SPNS3: variants seen among roughly 807,000 people sequenced by gnomAD.
SPNS3 encodes the protein SPNS lysolipid transporter 3, sphingosine-1-phosphate (putative).
A neutral mutation model predicts 54.4 loss-of-function variants in SPNS3; 51 were observed. That is an observed-to-expected ratio of 0.94 (90% CI 0.75 to 1.18). SPNS3 has a LOEUF of 1.18. SPNS3 is among the 50% of genes most tolerant of loss of function. SPNS3 has a pLI of 0.00. For missense variants in SPNS3, 669 were observed against 677.4 expected (o/e 0.99, Z 0.14); for synonymous variants, 309 against 294.7 (o/e 1.05, Z -0.50).
At chr17:4,452,896 C>T (rs1037466613) in intron 7 of SPNS3, 120 bp from the exon 8 acceptor site, 2 of 943,948 alleles carry the variant, frequency 2.1e-6, no homozygotes, top group Non-Finnish European at 1.6e-6. Flanking sequence ...AGCCATATTC[C>T]CTGTAGACAC....
At chr17:4,459,277 AGTGTCAGGCAC>A (rs1283312930) in intron 8 of SPNS3, among the ~76,000 whole-genome samples, 4 of 152,178 alleles carry the variant, frequency 2.6e-5, no homozygotes, top group Non-Finnish European at 5.9e-5. Context: ...CTTGAAGCAC[AGTGTCAGGCAC>A]GTGGACAGGT....
intron 9 of SPNS3, among the ~76,000 whole-genome samples, chr17:4,480,427 G>C (rs1972120646): frequency 6.6e-6 from 1 of 152,194 alleles, no homozygotes; most frequent in Admixed American, 6.5e-5. Context: ...TTTAGGCTCA[G>C]GGAGATTAAC....
In SPNS3 at chr17:4,446,068, G is replaced by A. The variant is rs370044942; in HGVS notation, c.423G>A (p.Leu141=). The A allele has an allele frequency of 6.2e-6, 10 of 1,611,004 alleles. No homozygotes were observed. Among genetic ancestry groups the A allele is most frequent in the African/African-American group, 5.3e-5 (4 of 74,842 alleles). The change falls in exon 4 of 12, where the codon CTG becomes CTA. Residue 141 remains leucine, a synonymous_variant. Coordinates refer to ENST00000355530, the MANE Select transcript of SPNS3 (RefSeq NM_182538.5). ...CCCAGTATTCTTGGCTCTTCTTCCT[G>A]TCCCGGGGCATCGTGGGCACTGGCT... The part of the protein sequence containing the change: ...ISPRYSWLFF[L]SRGIVGTGSA...
rs751605151 is a variant in SPNS3, at chr17:4,486,480, C to T, written c.1347C>T (p.Ser449=). ...YLQRFRSLQQ[S]FLCCAFVIAL... ...AGCGCTTCCGCAGCCTGCAGCAGAG[C>T]TTCCTGTGCTGCGCCTTTGTCATCG... Residue 449 remains serine (S), a synonymous_variant, in exon 11 of 12, where the codon AGC becomes AGT. Coordinates refer to ENST00000355530, the MANE Select transcript of SPNS3 (RefSeq NM_182538.5). The surrounding 1 kb of genome is among the most constrained non-coding windows in gnomAD (Gnocchi z 5.5). 11 of 1,613,506 alleles carry T rather than the reference C, an allele frequency of 6.8e-6. No individual in the cohort carries two copies. Among genetic ancestry groups the T allele is most frequent in the Non-Finnish European group, 4.2e-6 (5 of 1,179,924 alleles).
At chr17:4,457,888 A>G (rs549969896) in intron 8 of SPNS3, among the ~76,000 whole-genome samples, 1 of 152,256 alleles carries the variant, frequency 6.6e-6, no homozygotes, top group African/African-American at 2.4e-5. Flanking sequence ...GAGGGGCAGA[A>G]AGGCGGGCAG....
At chr17:4,476,745 C>T (rs7220427) in intron 8 of SPNS3, among the ~76,000 whole-genome samples, 2,404 of 152,270 alleles carry the variant, frequency 0.016, 60 homozygotes, top group African/African-American at 0.054. Context: ...GGAGACCCAC[C>T]TGCCCTCAGG....
In SPNS3 at chr17:4,453,220, C is replaced by T; in HGVS notation, c.1113+15C>T. The T allele has an allele frequency of 1.9e-6, 3 of 1,605,976 alleles. No individual in the cohort carries two copies. The highest frequency in any genetic ancestry group is 2.6e-6 in the Non-Finnish European group (3 of 1,175,784). ...TGGCCTCCTATGTAAGTGAGAGCCT[C>T]TATGGAGGTGGGGACAGGGTTGGGG... On this transcript the variant is annotated intron_variant, in intron 8 of 11. Coordinates refer to ENST00000355530, the MANE Select transcript of SPNS3 (RefSeq NM_182538.5).
chr17:4,458,646 T>TTTCCTTCC (rs1555530863), intron 8 of SPNS3, among the ~76,000 whole-genome samples: 7 of 128,190 alleles, frequency 5.5e-5, no homozygotes, highest in South Asian at 2.6e-4. Flanking sequence ...TCTTTCTTTC[T>TTTCCTTCC]TTCCTTCCTT....
chr17:4,437,826 G>A (rs1367073597), intron 1 of SPNS3, among the ~76,000 whole-genome samples: 5 of 144,522 alleles, frequency 3.5e-5, no homozygotes, highest in Admixed American at 1.4e-4. Flanking sequence ...TCACTCTGTC[G>A]CCCAGGCTGG....
chr17:4,439,618 G>T (rs779694473), intron 1 of SPNS3, 40 bp from the exon 2 acceptor site: 7 of 1,595,574 alleles, frequency 4.4e-6, no homozygotes, highest in African/African-American at 1.3e-5. Context: ...GGCCAGGAGG[G>T]CTACTTCCCG....
intron 1 of SPNS3, among the ~76,000 whole-genome samples, chr17:4,437,240 T>C (rs1567551396): frequency 6.6e-6 from 1 of 152,088 alleles, no homozygotes; most frequent in Non-Finnish European, 1.5e-5. Context: ...TAGAGTACCA[T>C]GGGGCTGAGA....
chr17:4,448,195 T>A lies in SPNS3; in HGVS notation c.662T>A (p.Ile221Asn). The A allele has an allele frequency of 6.2e-7, 1 of 1,604,638 alleles. No homozygotes were observed. The change falls in exon 6 of 12, where the codon ATC (isoleucine) becomes AAC (asparagine). Residue 221 changes from isoleucine (I) to asparagine (N), a missense_variant. Ile to Asn is a moderately radical substitution (Grantham distance 149). Transcript: ENST00000355530. ...CLEAVALILL[I>N]LLVPDPPRGA... ...GAGGCCGTGGCCTTGATCCTGCTTA[T>A]CCTGCTGGTTCCAGACCCACCCCGG...
chr17:4,472,906 A>G (rs1971897416), intron 8 of SPNS3, among the ~76,000 whole-genome samples: 1 of 144,452 alleles, frequency 6.9e-6, no homozygotes, highest in South Asian at 2.2e-4. Flanking sequence ...CTCCCCCTTC[A>G]GCCTCTGGAA....
At position 4,446,928 on chromosome 17, in the gene SPNS3, C is replaced by G. The variant is rs532692973; in HGVS notation, c.587C>G (p.Thr196Arg). Residue 196 changes from threonine to arginine, a missense_variant, in exon 5 of 12, where the codon ACG becomes AGG. Thr to Arg is a moderately conservative substitution (Grantham distance 71). Coordinates refer to ENST00000355530, the MANE Select transcript of SPNS3 (RefSeq NM_182538.5). Reference protein sequence around the residue: ...GLGYVLGSAVTMLTGNWRWAL... With the variant: ...GLGYVLGSAVRMLTGNWRWAL... ...GGCTACGTGCTGGGGTCGGCTGTGA[C>G]GATGCTGACTGGGAACTGGCGCTGG... 21 of 1,614,114 alleles carry G rather than the reference C, an allele frequency of 1.3e-5. No homozygotes were observed. The South Asian group carries it at 2.2e-4, about 17-fold the overall frequency.
rs1555532766 is a variant in SPNS3, at chr17:4,478,652, C to T, written c.1179+15C>T. On this transcript the variant is annotated intron_variant, in intron 9 of 11. Coordinates refer to ENST00000355530, the MANE Select transcript of SPNS3 (RefSeq NM_182538.5). ...ACATCCTGCTGGTAGGTGTGGGAGT[C>T]GGGGTGGTGGGCTGAGCAGGGGGAG... is the stretch of plus-strand genomic sequence containing the variant. 4 of 1,579,474 alleles carry T rather than the reference C, an allele frequency of 2.5e-6. No homozygotes were observed. Among genetic ancestry groups the T allele is most frequent in the South Asian group, 1.2e-5 (1 of 86,178 alleles).
intron 8 of SPNS3, among the ~76,000 whole-genome samples, chr17:4,468,733 C>CTTTCTTTCTTTCT (rs1555531870): frequency 1.4e-5 from 2 of 139,558 alleles, no homozygotes; most frequent in African/African-American, 2.9e-5. Flanking sequence ...TTCTTTCTTT[C>CTTTCTTTCTTTCT]TTTCTTTCTT....
rs2144252376 is a variant in SPNS3 at position 4,486,084 on chromosome 17, T to C, written c.1180-144T>C. ...GTCTTGATGTTCTGGGGTGGGACTT[T>C]AGACCTTGGGGACCGTCGACTCCCT... On this transcript the variant is annotated intron_variant, in intron 9 of 11. Transcript: ENST00000355530. The surrounding 1 kb of genome is among the most constrained non-coding windows in gnomAD (Gnocchi z 5.5). 1 of 633,816 alleles carries C rather than the reference T, an allele frequency of 1.6e-6. No individual in the cohort carries two copies. The highest frequency in any genetic ancestry group is 2.5e-6 in the Non-Finnish European group (1 of 394,434). 39.3% of individuals were successfully genotyped at this position (633,816 alleles called of 1,614,324 possible). A position where few individuals can be genotyped will look rare whatever the true frequency, so the allele number is the denominator to read the frequency against.
intron 9 of SPNS3, among the ~76,000 whole-genome samples, chr17:4,480,308 A>C (rs1339041890): frequency 6.6e-6 from 1 of 152,254 alleles, no homozygotes; most frequent in Non-Finnish European, 1.5e-5. Context: ...TTCCTTGTCT[A>C]TAAAAGGGGT....
rs146777859 is a variant in SPNS3, at chr17:4,481,172, C to A, written c.1179+2535C>A. ...ATCCCAGGAAGCTGGCATTGCTTTT[C>A]AAGAGGGGAGGACAGAACAGCCTCC... is the stretch of plus-strand genomic sequence containing the variant. On this transcript the variant is annotated intron_variant, in intron 9 of 11. Coordinates refer to ENST00000355530, the MANE Select transcript of SPNS3 (RefSeq NM_182538.5). 9.9e-5 allele frequency among the ~76,000 whole-genome samples: 15 copies of A among 151,806 alleles called. No homozygotes were observed. In the East Asian group the frequency reaches 2.9e-3, roughly 29 times the overall value.
Sources: gnomAD v4.1 joint callset for allele counts (sites outside exome capture counted in the v4.1 genomes callset) on GRCh38, gnomAD v4.1.1 for gene constraint, Gnocchi (gnomAD v3.1) non-coding constraint, MANE v1.5 for transcripts, NCBI Gene and HGNC (gene_info 2026-07-23, HGNC 2026-07-21) for gene names.